Variants in BACE2 observed in about 807,000 individuals in gnomAD.
The protein encoded by BACE2 is 56 kDa aspartic-like protease.
Under a neutral mutation model 46.2 loss-of-function variants are expected in BACE2, and 17 were observed. That is an observed-to-expected ratio of 0.37 (90% CI 0.25 to 0.55). The LOEUF (loss-of-function observed/expected upper bound fraction) is 0.55, where lower values mean the gene tolerates loss of function less well. Ranked by LOEUF, BACE2 falls within the 20% of genes least tolerant of loss-of-function variation. The probability of loss-of-function intolerance (pLI) is 0.82; values close to 1 mark genes in which losing one functional copy is unlikely to be tolerated. For synonymous variants in BACE2, 277 were observed against 295.9 expected (o/e 0.94, Z 0.66); for missense variants, 595 against 698.1 (o/e 0.85, Z 1.66).
At position 41,226,369 on chromosome 21, in the gene BACE2, C is replaced by T. The variant is rs752440533; in HGVS notation, c.401+15C>T. The T allele has an allele frequency of 1.9e-6, 3 of 1,607,938 alleles. No individual in the cohort carries two copies. The highest frequency in any genetic ancestry group is 2.2e-5 in the South Asian group (2 of 89,034). ...GACACAGAGAGGTAAGCGCTGGCCC[C>T]TTGGCTGGTGTGCTGGGCCGGGGCA... On this transcript the variant is annotated intron_variant, in intron 2 of 8. Coordinates refer to ENST00000330333, the MANE Select transcript of BACE2 (RefSeq NM_012105.5).
chr21:41,241,745 G>A, intron 3 of BACE2, 74 bp from the exon 4 acceptor site: 1 of 1,549,388 alleles, frequency 6.5e-7, no homozygotes, highest in Non-Finnish European at 8.8e-7. Flanking sequence ...TGTGGCGCGT[G>A]GCGTCTACAC....
intron 1 of BACE2, among the ~76,000 whole-genome samples, chr21:41,169,275 A>T (rs8134160): frequency 0.39 from 58,539 of 151,418 alleles, 13,146 homozygotes; most frequent in African/African-American, 0.63. Context: ...GAGTGTGAAA[A>T]GCATTCCAGC....
intron 6 of BACE2, among the ~76,000 whole-genome samples, chr21:41,248,355 C>T (rs896334158): frequency 6.6e-6 from 1 of 152,202 alleles, no homozygotes; most frequent in African/African-American, 2.4e-5. Flanking sequence ...ACAGTAAGTC[C>T]CACATCCGAA....
rs1003798317 is a variant in BACE2 at position 41,276,442 on chromosome 21, C to T, written c.*818C>T. On this transcript the variant is annotated 3_prime_UTR_variant, in exon 9 of 9. Transcript: ENST00000330333. Reference sequence around the variant, plus strand: ...CAGCCTTGACCACGGCTGTTCCCCTCACCCAAAAGAATTATCATCCCAACA... The same window carrying T: ...CAGCCTTGACCACGGCTGTTCCCCTTACCCAAAAGAATTATCATCCCAACA... 3.3e-5 allele frequency: 5 copies of T among 152,254 alleles called. No homozygotes were observed. Among genetic ancestry groups the T allele is most frequent in the African/African-American group, 9.7e-5 (4 of 41,430 alleles). The allele number at this position is 152,254 out of a possible 1,614,324, so 9.4% of individuals were successfully genotyped here.
Position 41,257,297 on chromosome 21 carries a change from G to A in BACE2, c.1274G>A (p.Arg425Lys). ...FYVIFDRAQK[R>K]VGFAASPCAE... ...GTCATCTTCGACAGAGCCCAGAAGA[G>A]GGTGGGCTTCGCAGCGAGCCCCTGT... is the stretch of plus-strand genomic sequence containing the variant. The change falls in exon 8 of 9, where the codon AGG becomes AAG. Residue 425 changes from arginine (R) to lysine (K), a missense_variant. Arg to Lys is a conservative substitution (Grantham distance 26). Coordinates refer to ENST00000330333, the MANE Select transcript of BACE2 (RefSeq NM_012105.5). 6.2e-7 allele frequency: 1 copy of A among 1,614,078 alleles called. No homozygotes were observed. Among genetic ancestry groups the A allele is most frequent in the Non-Finnish European group, 8.5e-7 (1 of 1,180,038 alleles).
At chr21:41,201,517 T>C (rs1230875960) in intron 1 of BACE2, among the ~76,000 whole-genome samples, 1 of 152,198 alleles carries the variant, frequency 6.6e-6, no homozygotes, top group Non-Finnish European at 1.5e-5. Flanking sequence ...CTATGAGGCT[T>C]TCAGCTGTGA....
intron 1 of BACE2, among the ~76,000 whole-genome samples, chr21:41,222,952 T>C (rs1601283576): frequency 1.3e-5 from 2 of 151,488 alleles, no homozygotes; most frequent in South Asian, 4.2e-4. Context: ...AGAGCAGGGG[T>C]GGGGGCAGCT....
At chr21:41,242,419 C>T (rs923552128) in intron 4 of BACE2, among the ~76,000 whole-genome samples, 1 of 152,096 alleles carries the variant, frequency 6.6e-6, no homozygotes, top group Non-Finnish European at 1.5e-5. Context: ...GAATCAAGGC[C>T]GTCAGCACTA....
intron 5 of BACE2, among the ~76,000 whole-genome samples, chr21:41,245,352 G>C (rs987078631): frequency 6.6e-5 from 10 of 152,206 alleles, no homozygotes; most frequent in African/African-American, 2.2e-4. Context: ...AGTGGTTGGG[G>C]TGGCTCATCT....
chr21:41,250,783 G>C lies in BACE2; in HGVS notation c.1016G>C (p.Gly339Ala), dbSNP rs1034784607. The stretch of plus-strand genomic sequence containing the variant: ...GAATTCTCTGATGGTTTCTGGACTG[G>C]GTCCCAGCTGGCGTGCTGGACGAAT... The part of the protein sequence containing the change: ...IPEFSDGFWT[G>A]SQLACWTNSE... The change falls in exon 7 of 9, where the codon GGG becomes GCG. Residue 339 changes from glycine (G) to alanine (A), a missense_variant. Coordinates refer to ENST00000330333, the MANE Select transcript of BACE2 (RefSeq NM_012105.5). 1.2e-6 allele frequency: 2 copies of C among 1,613,952 alleles called. No individual in the cohort carries two copies. Among genetic ancestry groups the C allele is most frequent in the African/African-American group, 2.7e-5 (2 of 74,890 alleles).
chr21:41,172,830 A>G (rs923432336), intron 1 of BACE2, among the ~76,000 whole-genome samples: 1 of 152,204 alleles, frequency 6.6e-6, no homozygotes, highest in Non-Finnish European at 1.5e-5. Context: ...ACTTGTTCTC[A>G]TAATTCTGCA....
At chr21:41,173,267 A>T (rs992114359) in intron 1 of BACE2, among the ~76,000 whole-genome samples, 8 of 152,084 alleles carry the variant, frequency 5.3e-5, no homozygotes, top group African/African-American at 2.4e-5. Flanking sequence ...TCAATTTGGG[A>T]TTCAAGTGTA....
At chr21:41,192,736 G>C (rs1204107557) in intron 1 of BACE2, among the ~76,000 whole-genome samples, 1 of 152,220 alleles carries the variant, frequency 6.6e-6, no homozygotes, top group Admixed American at 6.5e-5. Context: ...GCCTGGACCT[G>C]TTGCAGAGCC....
In BACE2 at chr21:41,257,254, G is replaced by T. The variant is rs1008025148; in HGVS notation, c.1231G>T (p.Val411Leu). 1 of 1,614,196 alleles carries T rather than the reference G, an allele frequency of 6.2e-7. No homozygotes were observed. The highest frequency in any genetic ancestry group is 8.5e-7 in the Non-Finnish European group (1 of 1,180,020). Residue 411 changes from valine to leucine, a missense_variant, in exon 8 of 9, where the codon GTG becomes TTG. By Grantham distance (32) the Val-to-Leu change is conservative. Coordinates refer to ENST00000330333, the MANE Select transcript of BACE2 (RefSeq NM_012105.5). ...AAATGCGCTGGTGATCGGTGCCACG[G>T]TGATGGAGGGCTTCTACGTCATCTT... ...STNALVIGATVMEGFYVIFDR... is the reference protein window; with the variant it reads ...STNALVIGATLMEGFYVIFDR...
intron 2 of BACE2, among the ~76,000 whole-genome samples, chr21:41,234,658 C>G (rs957310097): frequency 1.3e-5 from 2 of 152,174 alleles, no homozygotes; most frequent in African/African-American, 2.4e-5. Flanking sequence ...AGGAATGAAC[C>G]CAAATTGTCA....
intron 8 of BACE2, among the ~76,000 whole-genome samples, chr21:41,273,826 C>A (rs192917731): frequency 6.6e-6 from 1 of 152,088 alleles, no homozygotes; most frequent in South Asian, 2.1e-4. Context: ...TAAAGACAGG[C>A]GTAAGAAATT....
At chr21:41,253,510 A>G (rs1243119785) in intron 7 of BACE2, among the ~76,000 whole-genome samples, 1 of 151,902 alleles carries the variant, frequency 6.6e-6, no homozygotes, top group Non-Finnish European at 1.5e-5. Context: ...CAAAATGTGG[A>G]CATTATTTCA....
At chr21:41,199,614 C>G (rs547924383) in intron 1 of BACE2, among the ~76,000 whole-genome samples, 1 of 152,264 alleles carries the variant, frequency 6.6e-6, no homozygotes, top group South Asian at 2.1e-4. Flanking sequence ...GTTCAGGCTT[C>G]CTTTTCTTAA....
chr21:41,225,696 G>A (rs1192162761), intron 1 of BACE2: 1 of 152,502 alleles, frequency 6.6e-6, no homozygotes, highest in African/African-American at 2.4e-5. Flanking sequence ...AACTCACCAG[G>A]TGAGCATTTA....
Sources: allele counts gnomAD v4.1 joint callset (sites outside exome capture counted in the v4.1 genomes callset), GRCh38; gene constraint gnomAD v4.1.1; transcripts MANE v1.5; gene names NCBI Gene and HGNC (gene_info 2026-07-23, HGNC 2026-07-21).